Variants in ACOT2 observed in about 807,000 individuals in gnomAD.
The protein encoded by ACOT2 is acyl-coenzyme A thioesterase 2, mitochondrial.
In ACOT2, 15 loss-of-function variants were observed where a neutral mutation model predicts 20.1. The ratio of observed to expected loss-of-function variants is 0.75; its 90% confidence interval spans 0.50 to 1.15. The LOEUF (loss-of-function observed/expected upper bound fraction) is 1.15, where lower values mean the gene tolerates loss of function less well. Ranked by LOEUF, ACOT2 falls within the 50% of genes most tolerant of loss-of-function variation. ACOT2 has a pLI of 0.00. For missense variants in ACOT2, 479 were observed against 615.3 expected (o/e 0.78, Z 2.34); for synonymous variants, 252 against 268.4 (o/e 0.94, Z 0.60).
chr14:73,572,064 G>A (rs1395759794), intron 1 of ACOT2, among the ~76,000 whole-genome samples: 1 of 147,876 alleles, frequency 6.8e-6, no homozygotes, highest in Non-Finnish European at 1.5e-5. Flanking sequence ...CTCACTGCTA[G>A]AAGGAGCAAC....
At position 73,569,420 on chromosome 14, in the gene ACOT2, T is replaced by G. The variant is rs1383241633; in HGVS notation, c.180T>G (p.Pro60=). ...LRQVGQIIRV[P]ARMAATLILE... ...AGGTTGGTCAGATCATTAGGGTTCC[T>G]GCTCGGATGGCGGCGACGCTGATCC... The change falls in exon 1 of 3, where the codon CCT becomes CCG. Residue 60 remains proline, a synonymous_variant. Coordinates refer to ENST00000238651, the MANE Select transcript of ACOT2 (RefSeq NM_006821.6). The G allele has an allele frequency of 3.7e-6, 6 of 1,613,868 alleles. 1 individual carries two copies. Among genetic ancestry groups the G allele is most frequent in the Non-Finnish European group, 5.1e-6 (6 of 1,179,810 alleles).
rs1889681392 is a variant in ACOT2, at chr14:73,569,836, AGCCG to A, written c.598_601del (p.Pro200CysfsTer47). ...TTCCTCCCGCCCGGGGTGCGGCGCG[AGCCG>A]GTGCGCGTGGGCCGGGTGCGAGGCA... On this transcript the variant is annotated frameshift_variant, in exon 1 of 3. Coordinates refer to ENST00000238651, the MANE Select transcript of ACOT2 (RefSeq NM_006821.6). LOFTEE classifies it high-confidence loss of function. The A allele has an allele frequency of 6.2e-7, 1 of 1,603,932 alleles. No individual in the cohort carries two copies. The highest frequency in any genetic ancestry group is 8.5e-7 in the Non-Finnish European group (1 of 1,175,822).
upstream of ACOT2, chr14:73,567,922 G>T (rs1027561216): frequency 2.0e-5 from 3 of 152,124 alleles, no homozygotes; most frequent in Non-Finnish European, 2.9e-5. Flanking sequence ...GGACGCATCT[G>T]AACATCAGAG....
Position 73,569,905 on chromosome 14 carries a change from T to C in ACOT2, c.643+22T>C, listed in dbSNP as rs747372920. On this transcript the variant is annotated intron_variant, in intron 1 of 2. Transcript: ENST00000238651. ...CCAGGTGACTCACCTCCGCTAATTG[T>C]TCCGTGTTCGTTCGCCTTTCACTTT... The C allele has an allele frequency of 7.3e-5, 117 of 1,596,660 alleles. 3 individuals carry two copies. In the South Asian group the frequency reaches 1.3e-3, roughly 18 times the overall value.
At chr14:73,568,764 G>A (rs1397946585), upstream of ACOT2, among the ~76,000 whole-genome samples, 1 of 152,052 alleles carries the variant, frequency 6.6e-6, no homozygotes, top group Non-Finnish European at 1.5e-5. Context: ...CACTTGTAAG[G>A]AATGAAGCTC....
At chr14:73,568,557 CT>C, upstream of ACOT2, among the ~76,000 whole-genome samples, 1 of 147,974 alleles carries the variant, frequency 6.8e-6, no homozygotes, top group African/African-American at 2.4e-5. Flanking sequence ...TAGTGAGACC[CT>C]GTCTCTCAAA....
intron 1 of ACOT2, among the ~76,000 whole-genome samples, chr14:73,572,656 T>TGAGACAG (rs1889784028): frequency 7.5e-6 from 1 of 133,098 alleles, no homozygotes; most frequent in African/African-American, 2.9e-5. Flanking sequence ...TTTTTTTTTT[T>TGAGACAG]TTTTTTTTTG....
In ACOT2 at chr14:73,569,424, C is replaced by G. The variant is rs202179875; in HGVS notation, c.184C>G (p.Arg62Gly). The change falls in exon 1 of 3, where the codon CGG becomes GGG. Residue 62 changes from arginine (R) to glycine (G), a missense_variant. By Grantham distance (125) the Arg-to-Gly change is moderately radical (BLOSUM62 -2). This residue lies in a region of ACOT2 where 400 missense variants were observed against 395.5 expected (regional missense o/e 1.01). Coordinates refer to ENST00000238651, the MANE Select transcript of ACOT2 (RefSeq NM_006821.6). ...QVGQIIRVPARMAATLILEPA... is the reference protein window; with the variant it reads ...QVGQIIRVPAGMAATLILEPA... ...TGGTCAGATCATTAGGGTTCCTGCT[C>G]GGATGGCGGCGACGCTGATCCTGGA... 3 of 1,613,796 alleles carry G rather than the reference C, an allele frequency of 1.9e-6. No homozygotes were observed. The highest frequency in any genetic ancestry group is 2.5e-6 in the Non-Finnish European group (3 of 1,179,798).
rs762096982 is a variant in ACOT2 at position 73,573,513 on chromosome 14, G to T, written c.769G>T (p.Asp257Tyr). ...VMALAYYNYE[D>Y]LPKTMETLHL... Reference sequence around the variant, plus strand: ...GGCTCTGGCTTATTATAACTATGAAGACCTCCCCAAGACCATGGAGACGCT... The same window carrying T: ...GGCTCTGGCTTATTATAACTATGAATACCTCCCCAAGACCATGGAGACGCT... Residue 257 changes from aspartate to tyrosine, a missense_variant, in exon 2 of 3, where the codon GAC becomes TAC. Asp to Tyr is a radical substitution (Grantham distance 160). Coordinates refer to ENST00000238651, the MANE Select transcript of ACOT2 (RefSeq NM_006821.6). The T allele has an allele frequency of 2.5e-6, 4 of 1,613,584 alleles. No homozygotes were observed. The South Asian group carries it at 4.4e-5, about 18-fold the overall frequency.
chr14:73,573,561 G>A lies in ACOT2; in HGVS notation c.817G>A (p.Ala273Thr). The change falls in exon 2 of 3, where the codon GCC (alanine) becomes ACC (threonine). Residue 273 changes from alanine to threonine, a missense_variant. Around this residue, in one of 4 missense-constraint regions of ACOT2, gnomAD observed 400 missense variants for 395.5 expected, o/e 1.01. Coordinates refer to ENST00000238651, the MANE Select transcript of ACOT2 (RefSeq NM_006821.6). ...ETLHLEYFEEAMNYLLSHPEV... is the reference protein window; with the variant it reads ...ETLHLEYFEETMNYLLSHPEV... The stretch of plus-strand genomic sequence containing the variant: ...GCTCCATCTGGAGTACTTTGAAGAA[G>A]CCATGAACTACTTGCTCAGTCATCC... 4 of 1,613,692 alleles carry A rather than the reference G, an allele frequency of 2.5e-6. No homozygotes were observed. The highest frequency in any genetic ancestry group is 3.4e-6 in the Non-Finnish European group (4 of 1,179,712).
intron 2 of ACOT2, 108 bp downstream of exon 2, chr14:73,573,698 A>G: frequency 7.9e-7 from 1 of 1,266,314 alleles, no homozygotes. Flanking sequence ...CCCTACCCCA[A>G]CACACACTAC....
At chr14:73,568,432 G>A (rs1406023377), upstream of ACOT2, among the ~76,000 whole-genome samples, 3 of 151,970 alleles carry the variant, frequency 2.0e-5, no homozygotes, top group East Asian at 5.8e-4. Context: ...GGGGAGCTCC[G>A]GTAGTCCTTT....
At position 73,571,799 on chromosome 14, in the gene ACOT2, G is replaced by A. The variant is rs1889757406; in HGVS notation, c.644-1589G>A. 4 of 152,078 alleles carry A rather than the reference G, an allele frequency of 2.6e-5. 1 individual carries two copies. The highest frequency in any genetic ancestry group is 5.9e-5 in the Non-Finnish European group (4 of 67,992). 9.4% of individuals were successfully genotyped at this position (152,078 alleles called of 1,614,324 possible). ...TGCAACTTTTCTTTGAATTCGCACA[G>A]TATGTTAAGATTTATGTAAATTAGC... is the stretch of plus-strand genomic sequence containing the variant. On this transcript the variant is annotated intron_variant, in intron 1 of 2. Transcript: ENST00000238651.
chr14:73,570,903 T>TAA (rs56094300), intron 1 of ACOT2, among the ~76,000 whole-genome samples: 1,551 of 137,434 alleles, frequency 0.011, 30 homozygotes, highest in African/African-American at 0.04. Flanking sequence ...GACTCTATCT[T>TAA]AAAAAAAAAA....
At chr14:73,572,833 A>G (rs2140334517) in intron 1 of ACOT2, among the ~76,000 whole-genome samples, 1 of 149,478 alleles carries the variant, frequency 6.7e-6, no homozygotes, top group South Asian at 2.1e-4. Flanking sequence ...TTTAGTACAG[A>G]TGGGGTTTCA....
intron 1 of ACOT2, chr14:73,571,229 G>C (rs1889739078): frequency 6.5e-6 from 1 of 153,092 alleles, no homozygotes; most frequent in Admixed American, 6.5e-5. Flanking sequence ...GGCAGGACCA[G>C]GTACTATTGT....
At chr14:73,570,568 CA>C (rs199619791) in intron 1 of ACOT2, among the ~76,000 whole-genome samples, 1 of 143,994 alleles carries the variant, frequency 6.9e-6, no homozygotes. Flanking sequence ...GACTCCGTCT[CA>C]AAAAAAAGAC....
At chr14:73,572,035 G>GT (rs1182338301) in intron 1 of ACOT2, among the ~76,000 whole-genome samples, 1 of 151,040 alleles carries the variant, frequency 6.6e-6, no homozygotes, top group Non-Finnish European at 1.5e-5. Context: ...TTGCTGACCA[G>GT]TATGTGGAGG....
Position 73,569,626 on chromosome 14 carries a change from C to A in ACOT2, c.386C>A (p.Ala129Glu). ...LGELDLERAP[A>E]LGGSFAGLEP... is the part of the protein sequence containing the mutation. ...GAGCTGGACCTGGAGCGCGCGCCCG[C>A]GCTGGGCGGCAGCTTCGCGGGGCTT... Residue 129 changes from alanine to glutamate, a missense_variant, in exon 1 of 3, where the codon GCG (alanine) becomes GAG (glutamate). Ala to Glu is a moderately radical substitution (Grantham distance 107, BLOSUM62 -1). Transcript: ENST00000238651. 1 of 1,601,158 alleles carries A rather than the reference C, an allele frequency of 6.2e-7. No homozygotes were observed. The highest frequency in any genetic ancestry group is 8.5e-7 in the Non-Finnish European group (1 of 1,175,634).
Sources: allele counts gnomAD v4.1 joint callset (sites outside exome capture counted in the v4.1 genomes callset), GRCh38; gene constraint gnomAD v4.1.1; regional missense constraint gnomAD v4.1.1; transcripts MANE v1.5; gene names NCBI Gene and HGNC (gene_info 2026-07-23, HGNC 2026-07-21).